Variants in DCC observed in about 807,000 individuals in gnomAD.
The protein encoded by DCC is netrin receptor DCC.
A neutral mutation model predicts 172.5 loss-of-function variants in DCC; 58 were observed. The ratio of observed to expected loss-of-function variants is 0.34; its 90% CI spans 0.27 to 0.42. The LOEUF (loss-of-function observed/expected upper bound fraction) is 0.42. Ranked by LOEUF, DCC falls within the 10% of genes least tolerant of loss-of-function variation. DCC has a pLI of 1.00. For synonymous variants in DCC, 709 were observed against 644.5 expected (o/e 1.10, Z -1.52); for missense variants, 1,740 against 1,791.0 (o/e 0.97, Z 0.51).
intron 1 of DCC, among the ~76,000 whole-genome samples, chr18:52,369,157 C>T (rs1303300326): frequency 6.6e-6 from 1 of 152,168 alleles, no homozygotes; most frequent in East Asian, 1.9e-4. Flanking sequence ...AGAGTCTTCT[C>T]AAAAACGAGG....
At chr18:53,161,662 C>G (rs62099225) in intron 8 of DCC, among the ~76,000 whole-genome samples, 1 of 152,248 alleles carries the variant, frequency 6.6e-6, no homozygotes, top group African/African-American at 2.4e-5. Flanking sequence ...ATGCTTCAAC[C>G]CCAATTCCTC....
chr18:52,776,432 A>G (rs967912709), intron 2 of DCC, among the ~76,000 whole-genome samples: 1 of 152,192 alleles, frequency 6.6e-6, no homozygotes, highest in African/African-American at 2.4e-5. Context: ...CAGGAAGTCT[A>G]TAAGATCTGT....
intron 9 of DCC, among the ~76,000 whole-genome samples, chr18:53,187,041 T>C (rs1235327796): frequency 1.3e-5 from 2 of 152,104 alleles, no homozygotes; most frequent in African/African-American, 2.4e-5. Flanking sequence ...AATATTTGCA[T>C]TGGGGTTTAA....
intron 15 of DCC, among the ~76,000 whole-genome samples, chr18:53,362,612 C>A (rs891448516): frequency 1.5e-4 from 23 of 152,114 alleles, no homozygotes; most frequent in African/African-American, 5.5e-4. Context: ...GTATCTTGTA[C>A]CTTCAGGAAG....
chr18:52,685,039 A>G (rs2035808262), intron 1 of DCC, among the ~76,000 whole-genome samples: 1 of 152,080 alleles, frequency 6.6e-6, no homozygotes, highest in African/African-American at 2.4e-5. Flanking sequence ...TATGTTCCAA[A>G]GACAGATTTT....
chr18:53,496,233 G>A (rs2046022059), intron 26 of DCC, among the ~76,000 whole-genome samples: 1 of 152,120 alleles, frequency 6.6e-6, no homozygotes, highest in Admixed American at 6.6e-5. Flanking sequence ...TGCCTCTCTG[G>A]GACGAAGCTT....
chr18:53,151,787 G>C (rs1044858348), intron 7 of DCC, among the ~76,000 whole-genome samples: 1 of 151,930 alleles, frequency 6.6e-6, no homozygotes, highest in African/African-American at 2.4e-5. Context: ...TACCACAAAA[G>C]TCATGATTCT....
At chr18:52,909,768 T>C (rs1226656864) in intron 3 of DCC, among the ~76,000 whole-genome samples, 1 of 152,150 alleles carries the variant, frequency 6.6e-6, no homozygotes, top group Non-Finnish European at 1.5e-5. Context: ...TGATGTTTGC[T>C]AGGAATGAAA....
intron 1 of DCC, among the ~76,000 whole-genome samples, chr18:52,637,717 A>C (rs2034809994): frequency 6.6e-6 from 1 of 152,224 alleles, no homozygotes; most frequent in Non-Finnish European, 1.5e-5. Context: ...GGAAGAAGAG[A>C]ATTCTAAAAG....
intron 12 of DCC, among the ~76,000 whole-genome samples, chr18:53,298,554 AAAAG>A (rs2057096683): frequency 1.4e-5 from 2 of 144,038 alleles, no homozygotes; most frequent in Non-Finnish European, 3.0e-5. Context: ...AAAAAAAAAA[AAAAG>A]GCTTGCAGAA....
At chr18:53,266,099 C>G (rs920399710) in intron 12 of DCC, among the ~76,000 whole-genome samples, 3 of 152,202 alleles carry the variant, frequency 2.0e-5, no homozygotes, top group Non-Finnish European at 2.9e-5. Context: ...AAATCCTAAC[C>G]AAGCACCAGG....
At chr18:52,460,350 C>T (rs933628190) in intron 1 of DCC, among the ~76,000 whole-genome samples, 13 of 152,154 alleles carry the variant, frequency 8.5e-5, no homozygotes, top group Non-Finnish European at 1.6e-4. Context: ...TTTTAGCTAA[C>T]CTCTCCATAG....
intron 9 of DCC, among the ~76,000 whole-genome samples, chr18:53,191,158 C>T (rs993014678): frequency 6.6e-6 from 1 of 152,134 alleles, no homozygotes; most frequent in African/African-American, 2.4e-5. Context: ...ATAATGATTA[C>T]TACTTCTATT....
At chr18:53,029,519 G>C (rs1244714161) in intron 5 of DCC, among the ~76,000 whole-genome samples, 3 of 152,108 alleles carry the variant, frequency 2.0e-5, no homozygotes, top group African/African-American at 4.8e-5. Context: ...GAAATGCCTG[G>C]TTTGTAGCCT....
chr18:53,358,823 A>G (rs1017503590), intron 15 of DCC, among the ~76,000 whole-genome samples: 24 of 152,082 alleles, frequency 1.6e-4, no homozygotes, highest in African/African-American at 5.3e-4. Context: ...CCCAGCCATA[A>G]GACATATTAT....
At chr18:53,099,177 C>T (rs1287172738) in intron 7 of DCC, among the ~76,000 whole-genome samples, 1 of 152,048 alleles carries the variant, frequency 6.6e-6, no homozygotes, top group East Asian at 1.9e-4. Flanking sequence ...AGTTTCAACT[C>T]CTATAGTTCC....
chr18:53,513,272 TGTCACCACCAG>T (rs1316160100), intron 27 of DCC, among the ~76,000 whole-genome samples: 2 of 152,194 alleles, frequency 1.3e-5, no homozygotes, highest in Non-Finnish European at 2.9e-5. Context: ...GAGAGATTTT[TGTCACCACCAG>T]GCCTGCCCTA....
At chr18:53,054,977 A>G (rs1238302362) in intron 5 of DCC, among the ~76,000 whole-genome samples, 2 of 152,152 alleles carry the variant, frequency 1.3e-5, no homozygotes, top group Admixed American at 6.6e-5. Flanking sequence ...ACTTTAGAAT[A>G]AAAGAATCCC....
chr18:53,294,343 G>A (rs1362988291), intron 12 of DCC, among the ~76,000 whole-genome samples: 1 of 152,206 alleles, frequency 6.6e-6, no homozygotes, highest in South Asian at 2.1e-4. Context: ...TAAACCAGAA[G>A]AAGTGAGGTG....
Sources: allele counts gnomAD v4.1 joint callset (sites outside exome capture counted in the v4.1 genomes callset), GRCh38; gene constraint gnomAD v4.1.1; transcripts MANE v1.5; gene names NCBI Gene and HGNC (gene_info 2026-07-23, HGNC 2026-07-21).